ENPP3: variants seen among roughly 807,000 people sequenced by gnomAD.
ENPP3 encodes ectonucleotide pyrophosphatase/phosphodiesterase 3, also known as ectonucleotide pyrophosphatase/phosphodiesterase family member 3.
Under a neutral mutation model 117.8 loss-of-function variants are expected in ENPP3, and 104 were observed. The observed-to-expected ratio is 0.88, with a 90% CI of 0.75 to 1.04. ENPP3 has a LOEUF of 1.04. Ranked by LOEUF, ENPP3 falls within the 50% of genes least tolerant of loss-of-function variation. The pLI is 0.00. For missense variants in ENPP3, 1,026 were observed against 1,051.9 expected (o/e 0.98, Z 0.34); for synonymous variants, 380 against 349.9 (o/e 1.09, Z -0.96).
At chr6:131,675,807 A>G (rs1778855239) in intron 9 of ENPP3, among the ~76,000 whole-genome samples, 1 of 152,158 alleles carries the variant, frequency 6.6e-6, no homozygotes, top group South Asian at 2.1e-4. Context: ...CCTGCAGTGT[A>G]GTCCAGCCTG....
Position 131,645,011 on chromosome 6 carries a change from T to G in ENPP3, c.154+3481T>G, listed in dbSNP as rs188360049. Among the ~76,000 whole-genome samples the G allele has an allele frequency of 2.1e-3, 323 of 152,346 alleles. 2 individuals carry two copies. Among genetic ancestry groups the G allele is most frequent in the African/African-American group, 7.6e-3 (316 of 41,576 alleles). On this transcript the variant is annotated intron_variant, in intron 2 of 24. Coordinates refer to ENST00000357639, the MANE Select transcript of ENPP3 (RefSeq NM_005021.5). ...ACATATTTTTTTTCTAGTTTTTCAT[T>G]GAGCACTTTTTGAGACCCATCAGAA... is the stretch of plus-strand genomic sequence containing the variant.
At chr6:131,734,503 T>C (rs1041130671) in intron 21 of ENPP3, among the ~76,000 whole-genome samples, 1 of 152,170 alleles carries the variant, frequency 6.6e-6, no homozygotes, top group Non-Finnish European at 1.5e-5. Context: ...GCGTTATCAA[T>C]TTAAAACTCC....
In ENPP3 at chr6:131,683,117, C is replaced by T. The variant is rs373102182; in HGVS notation, c.1075C>T (p.Arg359Trp). Residue 359 changes from arginine (R) to tryptophan (W), a missense_variant, in exon 12 of 25, where the codon CGG becomes TGG. By Grantham distance (101) the Arg-to-Trp change is moderately radical. Transcript: ENST00000357639. Reference protein sequence around the residue: ...FGMLMEGLKQRNLHNCVNIIL... With the variant: ...FGMLMEGLKQWNLHNCVNIIL... ...GATGTTGATGGAAGGCCTGAAGCAGCGGAATTTGCACAACTGTGTCAATAT... is the reference window on the plus strand; with the variant it reads ...GATGTTGATGGAAGGCCTGAAGCAGTGGAATTTGCACAACTGTGTCAATAT... 65 of 1,611,978 alleles carry T rather than the reference C, an allele frequency of 4.0e-5. No homozygotes were observed. The highest frequency in any genetic ancestry group is 4.8e-5 in the Non-Finnish European group (56 of 1,178,356).
intron 6 of ENPP3, among the ~76,000 whole-genome samples, chr6:131,659,745 A>T (rs1778459856): frequency 6.6e-6 from 1 of 152,150 alleles, no homozygotes; most frequent in African/African-American, 2.4e-5. Context: ...CAAATCCAGG[A>T]CCTGTCATTT....
chr6:131,685,302 A>G lies in ENPP3; in HGVS notation c.1121-62A>G. 5.7e-6 allele frequency: 8 copies of G among 1,402,388 alleles called. No individual in the cohort carries two copies. The Admixed American group carries it at 7.9e-5, about 14-fold the overall frequency. The allele number at this position is 1,402,388 out of a possible 1,614,324, so 86.9% of individuals were successfully genotyped here. A position where few individuals can be genotyped will look rare whatever the true frequency, so the allele number is the denominator to read the frequency against. ...TAAAATGTCTTCTATTTGACAAGACAGAAATCAACCGTTGCCATTTATATA... is the reference window on the plus strand; with the variant it reads ...TAAAATGTCTTCTATTTGACAAGACGGAAATCAACCGTTGCCATTTATATA... On this transcript the variant is annotated intron_variant, in intron 12 of 24. Coordinates refer to ENST00000357639, the MANE Select transcript of ENPP3 (RefSeq NM_005021.5).
intron 1 of ENPP3, among the ~76,000 whole-genome samples, chr6:131,640,896 A>C (rs1195208800): frequency 6.6e-6 from 1 of 152,240 alleles, no homozygotes; most frequent in East Asian, 1.9e-4. Flanking sequence ...TTGGTCAGGC[A>C]GTTTCCAAAT....
At chr6:131,641,664 TC>T in intron 2 of ENPP3, 134 bp downstream of exon 2, 2 of 573,600 alleles carry the variant, frequency 3.5e-6, no homozygotes. Flanking sequence ...CATCTCCCTT[TC>T]CCCACTCTAC....
chr6:131,737,843 A>G (rs1780432022), intron 22 of ENPP3, among the ~76,000 whole-genome samples, 188 bp from the exon 23 acceptor site: 1 of 152,168 alleles, frequency 6.6e-6, no homozygotes, highest in South Asian at 2.1e-4. Flanking sequence ...AACTACAAAA[A>G]CAAAAAGCTA....
intron 6 of ENPP3, among the ~76,000 whole-genome samples, chr6:131,663,307 A>G (rs953449021): frequency 5.9e-5 from 9 of 151,898 alleles, no homozygotes; most frequent in African/African-American, 1.9e-4. Context: ...TTTTTTTTCT[A>G]TAGCTATGTG....
intron 20 of ENPP3, among the ~76,000 whole-genome samples, chr6:131,728,189 A>G (rs985617045): frequency 6.6e-6 from 1 of 152,180 alleles, no homozygotes; most frequent in Non-Finnish European, 1.5e-5. Flanking sequence ...TCCACAAAAT[A>G]ACTTCTATTT....
At chr6:131,668,329 C>T (rs79447202) in intron 6 of ENPP3, among the ~76,000 whole-genome samples, 14,573 of 145,002 alleles carry the variant, frequency 0.1, 1,664 homozygotes, top group African/African-American at 0.29. Context: ...TCTCCTGTCT[C>T]GCCCCCCCCT....
At chr6:131,665,830 CTTCT>C (rs1415465978) in intron 6 of ENPP3, among the ~76,000 whole-genome samples, 2 of 151,748 alleles carry the variant, frequency 1.3e-5, no homozygotes, top group Admixed American at 6.6e-5. Context: ...TGAAATTGTT[CTTCT>C]TTCTTAATGT....
chr6:131,684,477 C>T (rs1004982059), intron 12 of ENPP3, among the ~76,000 whole-genome samples: 20 of 152,052 alleles, frequency 1.3e-4, no homozygotes, highest in Non-Finnish European at 1.5e-5. Context: ...GTCAGGAGTT[C>T]GAGACCAGCC....
chr6:131,681,592 GAAAAT>G (rs1779025251), intron 11 of ENPP3, among the ~76,000 whole-genome samples: 2 of 151,524 alleles, frequency 1.3e-5, no homozygotes, highest in South Asian at 4.1e-4. Flanking sequence ...ATAAAGTGTA[GAAAAT>G]TAAAAAACAC....
intron 21 of ENPP3, among the ~76,000 whole-genome samples, chr6:131,736,194 GT>G (rs1432278180): frequency 6.6e-6 from 1 of 152,220 alleles, no homozygotes; most frequent in Non-Finnish European, 1.5e-5. Context: ...AACACTCACT[GT>G]GCTAGACAGC....
chr6:131,723,100 A>T (rs1386784719), intron 18 of ENPP3, among the ~76,000 whole-genome samples: 3 of 152,206 alleles, frequency 2.0e-5, no homozygotes, highest in African/African-American at 7.2e-5. Flanking sequence ...GAGCCCCGTT[A>T]TCAGGAGTCC....
chr6:131,670,127 G>T (rs534873728), intron 6 of ENPP3, among the ~76,000 whole-genome samples: 60 of 152,328 alleles, frequency 3.9e-4, no homozygotes, highest in African/African-American at 1.4e-3. Context: ...GTGAAACACA[G>T]ATCACAGGAA....
intron 21 of ENPP3, among the ~76,000 whole-genome samples, chr6:131,734,568 T>C (rs1780355441): frequency 6.6e-6 from 1 of 151,970 alleles, no homozygotes; most frequent in African/African-American, 2.4e-5. Flanking sequence ...AATCAGGGGG[T>C]ACCAAATTTA....
In ENPP3 at chr6:131,747,026, T is replaced by TC; in HGVS notation, c.*71dup. 1.3e-6 allele frequency: 1 copy of TC among 786,736 alleles called. No individual in the cohort carries two copies. Among genetic ancestry groups the TC allele is most frequent in the East Asian group, 3.2e-5 (1 of 30,800 alleles). The allele number at this position is 786,736 out of a possible 1,614,324, so 48.7% of individuals were successfully genotyped here. A position where few individuals can be genotyped will look rare whatever the true frequency, so the allele number is the denominator to read the frequency against. ...TTTGGCAAAATATAAGTGATTTTTT[T>TC]CTGGAGAATTGTAAAATAAAGTTTT... is the stretch of plus-strand genomic sequence containing the variant. On this transcript the variant is annotated 3_prime_UTR_variant, in exon 25 of 25. Transcript: ENST00000357639.
Sources: gnomAD v4.1 joint callset for allele counts (sites outside exome capture counted in the v4.1 genomes callset) on GRCh38, gnomAD v4.1.1 for gene constraint, MANE v1.5 for transcripts, NCBI Gene and HGNC (gene_info 2026-07-23, HGNC 2026-07-21) for gene names.